The following EGF variants were observed in gnomAD, a reference collection of about 807,000 sequenced individuals.
EGF encodes the protein epidermal growth factor.
Under a neutral mutation model 143.8 loss-of-function variants are expected in EGF, and 95 were observed. The observed-to-expected ratio is 0.66, with a 90% CI of 0.56 to 0.78. The LOEUF is 0.78. EGF is among the 30% of genes least tolerant of loss of function. The pLI, the probability that EGF is intolerant of heterozygous loss-of-function variation, is 0.00. For synonymous variants in EGF, 510 were observed against 510.5 expected (o/e 1.00, Z 0.01); for missense variants, 1,320 against 1,470.9 (o/e 0.90, Z 1.68).
chr4:109,979,018 T>C (rs1748917820), intron 13 of EGF, among the ~76,000 whole-genome samples: 1 of 152,278 alleles, frequency 6.6e-6, no homozygotes, highest in South Asian at 2.1e-4. Context: ...CTCCTTAGCT[T>C]TAGTCTCTAA....
At chr4:110,001,828 CCTTT>C (rs1752607029) in intron 21 of EGF, 2 of 985,214 alleles carry the variant, frequency 2.0e-6, no homozygotes, top group Admixed American at 6.2e-5. Context: ...TCATCAGAAC[CCTTT>C]CTTTTTCTCT....
intron 21 of EGF, chr4:110,004,116 A>G (rs1218805334): frequency 8.2e-6 from 2 of 244,700 alleles, no homozygotes; most frequent in African/African-American, 2.2e-5. Context: ...TTGCTATATC[A>G]TCAGTACTAG....
At chr4:109,967,500 G>A (rs1007708368) in intron 10 of EGF, among the ~76,000 whole-genome samples, 12 of 152,016 alleles carry the variant, frequency 7.9e-5, no homozygotes, top group African/African-American at 2.9e-4. Context: ...TTTTTGCTTA[G>A]TATCGTCTGT....
intron 10 of EGF, among the ~76,000 whole-genome samples, chr4:109,967,519 G>C (rs1746797043): frequency 6.6e-6 from 1 of 151,966 alleles, no homozygotes; most frequent in African/African-American, 2.4e-5. Context: ...GTGCTCTTCA[G>C]GCTTATTTTT....
At chr4:109,955,152 T>G (rs547540740) in intron 5 of EGF, among the ~76,000 whole-genome samples, 232 of 152,288 alleles carry the variant, frequency 1.5e-3, no homozygotes, top group Middle Eastern at 3.4e-3. Context: ...AGTGCATTGT[T>G]TCAGAACTGG....
intron 17 of EGF, among the ~76,000 whole-genome samples, chr4:109,988,192 CTTT>C (rs200891546): frequency 1.5e-4 from 21 of 138,594 alleles, no homozygotes; most frequent in Admixed American, 2.9e-4. Context: ...GAAAACACAA[CTTT>C]TTTTTTTTTT....
At chr4:109,942,503 G>T (rs1318290610) in intron 2 of EGF, among the ~76,000 whole-genome samples, 1 of 152,192 alleles carries the variant, frequency 6.6e-6, no homozygotes, top group Non-Finnish European at 1.5e-5. Context: ...TGTCACCTGG[G>T]TAGCTGGACG....
intron 21 of EGF, among the ~76,000 whole-genome samples, chr4:110,003,348 A>G (rs1752821826): frequency 6.6e-6 from 1 of 152,164 alleles, no homozygotes; most frequent in Non-Finnish European, 1.5e-5. Context: ...CTTTTTATTA[A>G]TAGCCATTCT....
At chr4:109,993,084 C>A (rs2126151091) in intron 18 of EGF, among the ~76,000 whole-genome samples, 163 bp from the exon 19 acceptor site, 1 of 152,174 alleles carries the variant, frequency 6.6e-6, no homozygotes, top group South Asian at 2.1e-4. Context: ...AACCCTAGAA[C>A]TTTAAGTATA....
chr4:109,996,454 T>A (rs1751804167), intron 20 of EGF, among the ~76,000 whole-genome samples: 2 of 152,242 alleles, frequency 1.3e-5, no homozygotes, highest in Non-Finnish European at 2.9e-5. Context: ...ATCATAACCT[T>A]GTTTTTAAAT....
At chr4:109,937,360 T>C (rs1741017301) in intron 1 of EGF, among the ~76,000 whole-genome samples, 1 of 35,022 alleles carries the variant, frequency 2.9e-5, no homozygotes, top group Non-Finnish European at 4.4e-5. Context: ...CAATCCCTGC[T>C]TTTTTTTTTT....
rs989912183 is a variant in EGF at position 110,012,291 on chromosome 4, T to A, written c.*836T>A. On this transcript the variant is annotated 3_prime_UTR_variant, in exon 24 of 24. Transcript: ENST00000265171. ...ACATTTTATTGTATGCCTGATTAAG[T>A]AGTTAATTATAGTCTAAGGCAGTAC... The A allele has an allele frequency of 6.6e-6, 1 of 152,130 alleles. No homozygotes were observed. The highest frequency in any genetic ancestry group is 1.5e-5 in the Non-Finnish European group (1 of 68,028). 9.4% of individuals were successfully genotyped at this position (152,130 alleles called of 1,614,324 possible).
intron 1 of EGF, among the ~76,000 whole-genome samples, chr4:109,933,830 C>T (rs1740259746): frequency 6.6e-6 from 1 of 152,134 alleles, no homozygotes; most frequent in African/African-American, 2.4e-5. Flanking sequence ...TATCGATAGA[C>T]ATTTGGGTTG....
At chr4:109,984,803 G>A (rs1285979080) in intron 16 of EGF, among the ~76,000 whole-genome samples, 1 of 152,152 alleles carries the variant, frequency 6.6e-6, no homozygotes, top group African/African-American at 2.4e-5. Context: ...TGAAAATTAT[G>A]ACCAAATAAT....
At chr4:109,927,723 C>CA (rs1168036243) in intron 1 of EGF, among the ~76,000 whole-genome samples, 13,866 of 51,422 alleles carry the variant, frequency 0.27, 1,501 homozygotes, top group Non-Finnish European at 0.34. Flanking sequence ...GACACCGTCT[C>CA]AAAAAAAAAA....
At chr4:109,936,743 T>A (rs1740879377) in intron 1 of EGF, among the ~76,000 whole-genome samples, 1 of 152,218 alleles carries the variant, frequency 6.6e-6, no homozygotes, top group Admixed American at 6.5e-5. Context: ...CATTGTGTCT[T>A]TGTTCTCATT....
At chr4:109,976,798 G>C (rs1232527510) in intron 13 of EGF, among the ~76,000 whole-genome samples, 3 of 152,114 alleles carry the variant, frequency 2.0e-5, no homozygotes, top group Admixed American at 2.0e-4. Context: ...ATTTAAACTG[G>C]GCCATGTGGT....
intron 5 of EGF, among the ~76,000 whole-genome samples, chr4:109,958,554 G>A (rs1745157590): frequency 6.6e-6 from 1 of 152,148 alleles, no homozygotes; most frequent in Non-Finnish European, 1.5e-5. Context: ...GGTATATATT[G>A]AGTCTGAAAG....
intron 5 of EGF, among the ~76,000 whole-genome samples, chr4:109,947,662 T>A (rs564237604): frequency 1.3e-5 from 2 of 152,362 alleles, no homozygotes; most frequent in Admixed American, 1.3e-4. Context: ...CAACTCATTG[T>A]CTGAGTGGTG....
Sources: gnomAD v4.1 joint callset for allele counts (sites outside exome capture counted in the v4.1 genomes callset) on GRCh38, gnomAD v4.1.1 for gene constraint, MANE v1.5 for transcripts, NCBI Gene and HGNC (gene_info 2026-07-23, HGNC 2026-07-21) for gene names.